The following ECT2L variants were observed in gnomAD, a reference collection of about 807,000 sequenced individuals.
ECT2L encodes epithelial cell transforming 2 like.
Under a neutral mutation model 122.8 loss-of-function variants are expected in ECT2L, and 126 were observed. The observed-to-expected ratio is 1.03, with a 90% CI of 0.89 to 1.19. The LOEUF is 1.19. ECT2L is among the 50% of genes most tolerant of loss of function. ECT2L has a pLI of 0.00. For synonymous variants in ECT2L, 385 were observed against 381.8 expected (o/e 1.01, Z -0.10); for missense variants, 1,012 against 1,064.1 (o/e 0.95, Z 0.68).
At chr6:138,825,306 G>A (rs571880580) in intron 4 of ECT2L, among the ~76,000 whole-genome samples, 10 of 152,300 alleles carry the variant, frequency 6.6e-5, no homozygotes, top group South Asian at 4.1e-4. Context: ...AATGCCGAGC[G>A]CGGTGGCTCA....
intron 1 of ECT2L, among the ~76,000 whole-genome samples, chr6:138,798,509 G>A (rs965066084): frequency 6.6e-6 from 1 of 152,060 alleles, no homozygotes; most frequent in Non-Finnish European, 1.5e-5. Context: ...AGAGTTTTAG[G>A]AGCTGTATGT....
At chr6:138,900,308 G>A (rs1000679553) in intron 20 of ECT2L, among the ~76,000 whole-genome samples, 2 of 151,660 alleles carry the variant, frequency 1.3e-5, no homozygotes, top group East Asian at 1.9e-4. Flanking sequence ...GTGCAGTGGC[G>A]CAATCTCAAC....
At chr6:138,874,568 G>C (rs1227444927) in intron 13 of ECT2L, among the ~76,000 whole-genome samples, 1 of 152,184 alleles carries the variant, frequency 6.6e-6, no homozygotes, top group Non-Finnish European at 1.5e-5. Context: ...TAAGCGAGCA[G>C]GTTCTAAAAT....
Position 138,814,579 on chromosome 6 carries a change from T to A in ECT2L, c.155T>A (p.Leu52Ter), listed in dbSNP as rs577253266. The change falls in exon 4 of 22, where the codon TTA becomes TAA. Residue 52 changes from leucine (L) to a stop codon, truncating the protein, a stop_gained. Transcript: ENST00000541398. LOFTEE classifies it high-confidence loss of function. ...CAAGAATTCTTATTCGCAATTTTTTTAAGATGCACTAAATCACAATTAAGG... is the reference window on the plus strand; with the variant it reads ...CAAGAATTCTTATTCGCAATTTTTTAAAGATGCACTAAATCACAATTAAGG... ...QRQEFLFAIFLRCTKSQLRFV... is the reference protein window; with the variant it reads ...QRQEFLFAIF 3 of 1,610,636 alleles carry A rather than the reference T, an allele frequency of 1.9e-6. No individual in the cohort carries two copies. The highest frequency in any genetic ancestry group is 1.3e-5 in the African/African-American group (1 of 74,990).
intron 4 of ECT2L, among the ~76,000 whole-genome samples, chr6:138,834,048 T>C (rs1164090053): frequency 1.3e-5 from 2 of 152,146 alleles, no homozygotes; most frequent in East Asian, 1.9e-4. Flanking sequence ...CTACTTCTTA[T>C]CAGAAATTTA....
intron 5 of ECT2L, among the ~76,000 whole-genome samples, chr6:138,840,123 G>A (rs1277293442): frequency 1.3e-5 from 2 of 151,954 alleles, no homozygotes; most frequent in Non-Finnish European, 2.9e-5. Context: ...AAATTCACGA[G>A]GAAACATATT....
Position 138,882,839 on chromosome 6 carries a change from A to G in ECT2L, c.1996A>G (p.Asn666Asp). ...AAACACATATACCAATTTCTTCAACAATTACCCTGTCATTCTGAAAACTAT... is the reference window on the plus strand; with the variant it reads ...AAACACATATACCAATTTCTTCAACGATTACCCTGTCATTCTGAAAACTAT... ...QLNTYTNFFN[N>D]YPVILKTIEK... Residue 666 changes from asparagine to aspartate, a missense_variant, in exon 16 of 22, where the codon AAT (asparagine) becomes GAT (aspartate). By Grantham distance (23) the Asn-to-Asp change is conservative. Transcript: ENST00000541398. The G allele has an allele frequency of 6.2e-7, 1 of 1,614,198 alleles. No individual in the cohort carries two copies. The highest frequency in any genetic ancestry group is 1.1e-5 in the South Asian group (1 of 91,080).
At chr6:138,804,263 A>T (rs565462623) in intron 1 of ECT2L, among the ~76,000 whole-genome samples, 1 of 152,340 alleles carries the variant, frequency 6.6e-6, no homozygotes, top group African/African-American at 2.4e-5. Flanking sequence ...GCGTGTGTAT[A>T]TAGTGTGAGA....
chr6:138,817,043 TAGAC>T (rs1436306276), intron 4 of ECT2L, among the ~76,000 whole-genome samples: 1 of 152,232 alleles, frequency 6.6e-6, no homozygotes, highest in African/African-American at 2.4e-5. Flanking sequence ...TAAATGGAAT[TAGAC>T]AGTATGTGGT....
chr6:138,847,440 G>A (rs375554727), intron 8 of ECT2L, among the ~76,000 whole-genome samples: 14 of 118,794 alleles, frequency 1.2e-4, no homozygotes, highest in Admixed American at 3.5e-4. Flanking sequence ...GCGCAATCTC[G>A]GCTCACTGCC....
rs1445465024 is a variant in ECT2L at position 138,837,904 on chromosome 6, T to A, written c.180-448T>A. On this transcript the variant is annotated intron_variant, in intron 4 of 21. Transcript: ENST00000541398. ...GAATGGATAATTCAAAGTGAATACT[T>A]TTTTTTTTTTTTTTGAGACAGAGTC... 1.1e-4 allele frequency among the ~76,000 whole-genome samples: 4 copies of A among 37,738 alleles called. No individual in the cohort carries two copies. The East Asian group carries it at 0.019, about 176-fold the overall frequency. The allele number at this position is 37,738 out of a possible 152,430, so 24.8% of individuals were successfully genotyped here.
At chr6:138,894,340 C>T (rs1779140840) in intron 20 of ECT2L, among the ~76,000 whole-genome samples, 1 of 152,140 alleles carries the variant, frequency 6.6e-6, no homozygotes, top group Non-Finnish European at 1.5e-5. Context: ...CAGGAGTGAG[C>T]CACCACACCC....
chr6:138,830,010 C>A (rs551910121), intron 4 of ECT2L, among the ~76,000 whole-genome samples: 1 of 152,274 alleles, frequency 6.6e-6, no homozygotes, highest in African/African-American at 2.4e-5. Context: ...AGGCGTGAGC[C>A]ACCGCGCCCA....
intron 4 of ECT2L, among the ~76,000 whole-genome samples, chr6:138,824,941 A>G (rs147890414): frequency 6.1e-4 from 93 of 152,348 alleles, no homozygotes; most frequent in African/African-American, 2.1e-3. Flanking sequence ...ATGAACACAC[A>G]GGAAGTCAAA....
intron 1 of ECT2L, among the ~76,000 whole-genome samples, chr6:138,799,245 G>A (rs1775446981): frequency 6.7e-6 from 1 of 150,290 alleles, no homozygotes; most frequent in South Asian, 2.1e-4. Flanking sequence ...GTGTAACCTT[G>A]GATGATTTTC....
intron 4 of ECT2L, among the ~76,000 whole-genome samples, chr6:138,834,950 C>G (rs1292844441): frequency 1.3e-5 from 2 of 150,244 alleles, no homozygotes; most frequent in Non-Finnish European, 3.0e-5. Flanking sequence ...CATTCTCTCT[C>G]TCTGTCTCTT....
At chr6:138,825,514 C>A (rs1010769544) in intron 4 of ECT2L, among the ~76,000 whole-genome samples, 3 of 151,976 alleles carry the variant, frequency 2.0e-5, no homozygotes, top group Non-Finnish European at 4.4e-5. Flanking sequence ...ACACAGGAGG[C>A]AGAGGTCACA....
chr6:138,886,815 G>A (rs1468014021), intron 18 of ECT2L, 42 bp from the exon 19 acceptor site: 1 of 1,368,480 alleles, frequency 7.3e-7, no homozygotes, highest in Non-Finnish European at 1.0e-6. Context: ...GAATAAAAAT[G>A]TCACAATTTT....
chr6:138,868,249 T>C lies in ECT2L; in HGVS notation c.1578+43T>C, dbSNP rs144755665. 526 of 1,538,720 alleles carry C rather than the reference T, an allele frequency of 3.4e-4. 3 individuals are homozygous for C. The African/African-American group carries it at 5.6e-3, about 16-fold the overall frequency. Reference sequence around the variant, plus strand: ...GAAAGTAAACTATGAAAACCAACATTTAAATAAATTCTGTTTGCAGTTATT... The same window carrying C: ...GAAAGTAAACTATGAAAACCAACATCTAAATAAATTCTGTTTGCAGTTATT... On this transcript the variant is annotated intron_variant, in intron 13 of 21. Coordinates refer to ENST00000541398, the MANE Select transcript of ECT2L (RefSeq NM_001077706.3).
Sources: allele counts gnomAD v4.1 joint callset (sites outside exome capture counted in the v4.1 genomes callset), GRCh38; gene constraint gnomAD v4.1.1; transcripts MANE v1.5; gene names NCBI Gene and HGNC (gene_info 2026-07-23, HGNC 2026-07-21).